Variants in RPA1 observed in about 807,000 individuals in gnomAD.
RPA1 encodes the protein replication protein A 70 kDa DNA-binding subunit.
In RPA1, 49 loss-of-function variants were observed where a neutral mutation model predicts 83.0. The observed-to-expected ratio is 0.59, with a 90% CI of 0.47 to 0.75. RPA1 has a LOEUF of 0.75. RPA1 is among the 30% of genes least tolerant of loss of function. The pLI is 0.00. For missense variants in RPA1, 693 were observed against 776.1 expected (o/e 0.89, Z 1.27); for synonymous variants, 279 against 281.8 (o/e 0.99, Z 0.10).
chr17:1,877,807 G>T (rs1913627071), intron 8 of RPA1, among the ~76,000 whole-genome samples: 1 of 152,170 alleles, frequency 6.6e-6, no homozygotes. Flanking sequence ...TGGGAAATGG[G>T]TTCTGACTGT....
rs781141986 is a variant in RPA1, at chr17:1,897,966, A to G, written c.*791A>G. ...TCTACCTGTACACATTCCTGCATTC[A>G]TGTATTTTGTTTTTTTTGACTAAAG... On this transcript the variant is annotated 3_prime_UTR_variant, in exon 17 of 17. Transcript: ENST00000254719. 2.0e-5 allele frequency: 3 copies of G among 152,332 alleles called. No homozygotes were observed. Among genetic ancestry groups the G allele is most frequent in the Non-Finnish European group, 4.4e-5 (3 of 68,026 alleles). 9.4% of individuals were successfully genotyped at this position (152,332 alleles called of 1,614,324 possible). A position where few individuals can be genotyped will look rare whatever the true frequency, so the allele number is the denominator to read the frequency against.
intron 4 of RPA1, among the ~76,000 whole-genome samples, chr17:1,847,753 G>A (rs150046980): frequency 3.2e-3 from 481 of 152,270 alleles, no homozygotes; most frequent in Middle Eastern, 0.014. Context: ...AGGCACAGTG[G>A]CTCAGGCCTG....
chr17:1,879,035 T>G lies in RPA1; in HGVS notation c.733T>G (p.Phe245Val). Residue 245 changes from phenylalanine to valine, a missense_variant, in exon 9 of 17, where the codon TTC becomes GTC. Phe to Val is a conservative substitution (Grantham distance 50, BLOSUM62 -1). Transcript: ENST00000254719. ...AGCTTTCAATGAGCAAGTGGACAAG[T>G]TCTTTCCTCTTATTGAAGTGAACAA... ...ATAFNEQVDK[F>V]FPLIEVNKVY... is the part of the protein sequence containing the mutation. 6.2e-7 allele frequency: 1 copy of G among 1,614,166 alleles called. No individual in the cohort carries two copies. The highest frequency in any genetic ancestry group is 8.5e-7 in the Non-Finnish European group (1 of 1,180,026).
At chr17:1,882,661 T>C (rs1173253182) in intron 12 of RPA1, among the ~76,000 whole-genome samples, 1 of 152,108 alleles carries the variant, frequency 6.6e-6, no homozygotes, top group South Asian at 2.1e-4. Flanking sequence ...CAAGACTCTG[T>C]CTCAAAACAA....
At chr17:1,838,690 G>GT (rs891345719) in intron 1 of RPA1, among the ~76,000 whole-genome samples, 5 of 151,584 alleles carry the variant, frequency 3.3e-5, no homozygotes, top group African/African-American at 1.2e-4. Context: ...AAGTTTTATA[G>GT]TTTTCGCTTT....
chr17:1,873,779 A>G lies in RPA1; in HGVS notation c.454+1253A>G, dbSNP rs567249551. 2.2e-4 allele frequency among the ~76,000 whole-genome samples: 34 copies of G among 151,934 alleles called. No individual in the cohort carries two copies. The East Asian group carries it at 6.0e-3, about 27-fold the overall frequency. The stretch of plus-strand genomic sequence containing the variant: ...CGAGGTGGACGGATCACTTGAGGTC[A>G]GGAGTTCGAGACTAGCTAGCCTGGC... On this transcript the variant is annotated intron_variant, in intron 6 of 16. Coordinates refer to ENST00000254719, the MANE Select transcript of RPA1 (RefSeq NM_002945.5).
chr17:1,854,923 T>C (rs1231019816), intron 5 of RPA1, among the ~76,000 whole-genome samples: 2 of 152,218 alleles, frequency 1.3e-5, no homozygotes, highest in Non-Finnish European at 2.9e-5. Context: ...CCTGGCTCGT[T>C]ATCTTTGTCT....
Position 1,884,112 on chromosome 17 carries a change from G to A in RPA1, c.1374+168G>A, listed in dbSNP as rs1417406713. ...ATCACTGGCAGAGGGAAGCAGCCAG[G>A]TGTGCTCATGGGAATATGTGTTACC... On this transcript the variant is annotated intron_variant, in intron 13 of 16. Transcript: ENST00000254719. This position sits in a 1 kb window ranked among gnomAD's most constrained non-coding sequence, Gnocchi z 4.1. 6.6e-6 allele frequency among the ~76,000 whole-genome samples: 1 copy of A among 152,196 alleles called. No homozygotes were observed. Among genetic ancestry groups the A allele is most frequent in the Non-Finnish European group, 1.5e-5 (1 of 68,042 alleles).
At chr17:1,830,228 A>AC (rs1911483378) in intron 1 of RPA1, 102 bp downstream of exon 1, 1 of 298,990 alleles carries the variant, frequency 3.3e-6, no homozygotes, top group Non-Finnish European at 4.9e-6. Flanking sequence ...CGGGGGATGA[A>AC]CGCGAGGGGA....
Position 1,894,982 on chromosome 17 carries a change from T to C in RPA1, c.1660-27T>C. ...TGCAAGTTGTCCAGTGGTTTCCATG[T>C]GTCAAGTTTTATGTTTGTTTTTGCA... On this transcript the variant is annotated intron_variant, in intron 15 of 16. Transcript: ENST00000254719. The C allele has an allele frequency of 1.3e-6, 2 of 1,591,622 alleles. 1 individual carries two copies. Among genetic ancestry groups the C allele is most frequent in the South Asian group, 2.2e-5 (2 of 90,304 alleles).
chr17:1,893,908 G>C (rs371383242), intron 15 of RPA1, among the ~76,000 whole-genome samples: 15 of 151,754 alleles, frequency 9.9e-5, no homozygotes, highest in African/African-American at 3.6e-4. Context: ...ACCCATGTTG[G>C]AGCGCCGTGG....
rs775200783 is a variant in RPA1 at position 1,843,945 on chromosome 17, A to G, written c.110A>G (p.Asn37Ser). Residue 37 changes from asparagine to serine, a missense_variant, in exon 3 of 17, where the codon AAT (asparagine) becomes AGT (serine). Physicochemically the swap from Asn to Ser is conservative, Grantham distance 46 (BLOSUM62 1). Coordinates refer to ENST00000254719, the MANE Select transcript of RPA1 (RefSeq NM_002945.5). ...AACATCCGTCCCATTACTACGGGGA[A>G]TAGTCCGCCGCGTTATCGACTGCTC... is the stretch of plus-strand genomic sequence containing the variant. Reference protein sequence around the residue: ...VINIRPITTGNSPPRYRLLMS... With the variant: ...VINIRPITTGSSPPRYRLLMS... 2 of 1,613,874 alleles carry G rather than the reference A, an allele frequency of 1.2e-6. No individual in the cohort carries two copies. Among genetic ancestry groups the G allele is most frequent in the Admixed American group, 1.7e-5 (1 of 59,978 alleles).
intron 1 of RPA1, among the ~76,000 whole-genome samples, chr17:1,839,664 A>G (rs1911966106): frequency 6.7e-6 from 1 of 148,262 alleles, no homozygotes; most frequent in Admixed American, 6.8e-5. Context: ...ACAGGATCTC[A>G]CTTAGTCATC....
chr17:1,888,631 C>T (rs371834725), intron 13 of RPA1, 44 bp from the exon 14 acceptor site: 188 of 1,570,266 alleles, frequency 1.2e-4, no homozygotes, highest in Non-Finnish European at 1.5e-4. Flanking sequence ...CGATCCTGGG[C>T]GGGCTCGCGA....
intron 3 of RPA1, 34 bp downstream of exon 3, chr17:1,844,032 G>C: frequency 6.3e-7 from 1 of 1,582,668 alleles, no homozygotes; most frequent in Non-Finnish European, 8.7e-7. Flanking sequence ...AAATGTGTGA[G>C]TATTTAAATA....
rs1040823180 is a variant in RPA1 at position 1,899,446 on chromosome 17, C to T, written c.*2271C>T. ...TTATTTCAAGTGGTTCTTGAATTCC[C>T]TCCAGTCTCATTGTGAAAGGGGCAG... On this transcript the variant is annotated 3_prime_UTR_variant, in exon 17 of 17. Coordinates refer to ENST00000254719, the MANE Select transcript of RPA1 (RefSeq NM_002945.5). 1 of 152,152 alleles carries T rather than the reference C, an allele frequency of 6.6e-6. No homozygotes were observed. The highest frequency in any genetic ancestry group is 2.4e-5 in the African/African-American group (1 of 41,398). The allele number at this position is 152,152 out of a possible 1,614,324, so 9.4% of individuals were successfully genotyped here. A position where few individuals can be genotyped will look rare whatever the true frequency, so the allele number is the denominator to read the frequency against.
rs528435249 is a variant in RPA1 at position 1,879,003 on chromosome 17, G to A, written c.701G>A (p.Arg234Gln). 30 of 1,614,162 alleles carry A rather than the reference G, an allele frequency of 1.9e-5. No individual in the cohort carries two copies. The South Asian group carries it at 2.9e-4, about 15-fold the overall frequency. Reference sequence around the variant, plus strand: ...CACGTGCTTCTGCAGGGTGAAATCCGAGCTACAGCTTTCAATGAGCAAGTG... The same window carrying A: ...CACGTGCTTCTGCAGGGTGAAATCCAAGCTACAGCTTTCAATGAGCAAGTG... ...LELVDESGEI[R>Q]ATAFNEQVDK... Residue 234 changes from arginine to glutamine, a missense_variant, in exon 9 of 17, where the codon CGA becomes CAA. Arg to Gln is a conservative substitution (Grantham distance 43). Transcript: ENST00000254719.
intron 8 of RPA1, 55 bp downstream of exon 8, chr17:1,877,369 G>A: frequency 1.3e-6 from 2 of 1,515,824 alleles, no homozygotes; most frequent in South Asian, 2.3e-5. Context: ...GGAAACAGAA[G>A]GCTCAGCTCT....
At chr17:1,876,277 G>A (rs946635414) in intron 7 of RPA1, among the ~76,000 whole-genome samples, 8 of 152,122 alleles carry the variant, frequency 5.3e-5, no homozygotes, top group East Asian at 1.9e-4. Flanking sequence ...ATTTGAAGCC[G>A]GGCGCGGTGG....
Sources: gnomAD v4.1 joint callset for allele counts (sites outside exome capture counted in the v4.1 genomes callset) on GRCh38, gnomAD v4.1.1 for gene constraint, Gnocchi (gnomAD v3.1) non-coding constraint, MANE v1.5 for transcripts, NCBI Gene and HGNC (gene_info 2026-07-23, HGNC 2026-07-21) for gene names.